The following SMARCC1 variants were observed in gnomAD, a reference collection of about 807,000 sequenced individuals.
SMARCC1 encodes the protein SWI/SNF complex subunit SMARCC1.
SMARCC1 carries 43 observed loss-of-function variants against 147.4 expected under a neutral mutation model. The ratio of observed to expected loss-of-function variants is 0.29; its 90% confidence interval spans 0.23 to 0.38. The LOEUF (loss-of-function observed/expected upper bound fraction) is 0.38. Among genes scored for constraint, SMARCC1 ranks in the 10% least tolerant of loss-of-function variants. The pLI is 1.00. For synonymous variants in SMARCC1, 495 were observed against 484.4 expected (o/e 1.02, Z -0.29); for missense variants, 1,119 against 1,381.1 (o/e 0.81, Z 3.01).
At chr3:47,630,157 G>A (rs1231464993) in intron 24 of SMARCC1, among the ~76,000 whole-genome samples, 87 of 143,826 alleles carry the variant, frequency 6.0e-4, no homozygotes, top group Admixed American at 5.9e-3. Flanking sequence ...TTTTTTCCAC[G>A]GGGCCTGGGG....
chr3:47,646,855 C>T (rs1300853580), intron 21 of SMARCC1, among the ~76,000 whole-genome samples: 2 of 152,142 alleles, frequency 1.3e-5, no homozygotes, highest in South Asian at 2.1e-4. Flanking sequence ...ACCTGCTCCC[C>T]ACAGACCTCT....
At chr3:47,671,063 T>C (rs1370463906) in intron 18 of SMARCC1, among the ~76,000 whole-genome samples, 1 of 150,478 alleles carries the variant, frequency 6.6e-6, no homozygotes, top group Non-Finnish European at 1.5e-5. Context: ...TTCATGCCTA[T>C]AGTCCCAGCT....
chr3:47,778,821 T>C (rs1167589233), intron 1 of SMARCC1, among the ~76,000 whole-genome samples: 2 of 150,902 alleles, frequency 1.3e-5, no homozygotes, highest in Non-Finnish European at 3.0e-5. Context: ...ACCCTGCCTC[T>C]ACTGATAATA....
chr3:47,730,827 T>C (rs144656637), intron 5 of SMARCC1, among the ~76,000 whole-genome samples: 190 of 151,302 alleles, frequency 1.3e-3, no homozygotes, highest in African/African-American at 4.3e-3. Context: ...GATTGCGCCA[T>C]TGCACTCCAG....
intron 2 of SMARCC1, among the ~76,000 whole-genome samples, chr3:47,767,194 A>AG (rs1363217608): frequency 6.7e-6 from 1 of 148,524 alleles, no homozygotes; most frequent in Non-Finnish European, 1.5e-5. Flanking sequence ...AAAAAGAAAA[A>AG]AAAAAAAAAA....
intron 2 of SMARCC1, among the ~76,000 whole-genome samples, chr3:47,765,582 A>G (rs1026929717): frequency 6.6e-6 from 1 of 152,176 alleles, no homozygotes; most frequent in African/African-American, 2.4e-5. Flanking sequence ...TACAAACTCA[A>G]ATGCTCACTT....
chr3:47,769,496 G>A (rs937419227), intron 2 of SMARCC1, among the ~76,000 whole-genome samples: 1 of 151,842 alleles, frequency 6.6e-6, no homozygotes, highest in African/African-American at 2.4e-5. Flanking sequence ...CAAAGTGCTG[G>A]GATTACAGGC....
chr3:47,668,345 TAC>T (rs1341015841), intron 19 of SMARCC1, among the ~76,000 whole-genome samples: 2 of 152,218 alleles, frequency 1.3e-5, no homozygotes, highest in African/African-American at 2.4e-5. Context: ...ATCTTGATCT[TAC>T]AGAGTAATTT....
chr3:47,773,120 G>A (rs2034934719), intron 1 of SMARCC1, among the ~76,000 whole-genome samples, 184 bp from the exon 2 acceptor site: 1 of 151,978 alleles, frequency 6.6e-6, no homozygotes, highest in African/African-American at 2.4e-5. Context: ...TGGTTAAGAC[G>A]GTTAATTTTT....
intron 7 of SMARCC1, among the ~76,000 whole-genome samples, chr3:47,716,415 C>CAAAA (rs776727634): frequency 9.6e-5 from 5 of 51,924 alleles, no homozygotes; most frequent in East Asian, 6.2e-4. Flanking sequence ...GACTCCATCT[C>CAAAA]AAAAAAAAAA....
At position 47,642,309 on chromosome 3, in the gene SMARCC1, G is replaced by A. The variant is rs115932457; in HGVS notation, c.2321-3529C>T. ...AATATAAGAAAAGATACTAGGTTTT[G>A]CCCGGTGCAGTGGCTCGGACCTGTA... On this transcript the variant is annotated intron_variant, in intron 21 of 27. Coordinates refer to ENST00000254480, the MANE Select transcript of SMARCC1 (RefSeq NM_003074.4). 9.8e-4 allele frequency among the ~76,000 whole-genome samples: 149 copies of A among 152,280 alleles called. 1 individual carries two copies. The highest frequency in any genetic ancestry group is 3.4e-3 in the African/African-American group (143 of 41,566).
chr3:47,700,920 G>T (rs545825742), intron 11 of SMARCC1, among the ~76,000 whole-genome samples: 1 of 152,270 alleles, frequency 6.6e-6, no homozygotes, highest in South Asian at 2.1e-4. Context: ...CATTACCAGA[G>T]AACTTCAAAT....
rs140358822 is a variant in SMARCC1 at position 47,614,046 on chromosome 3, A to G, written c.2782-3719T>C. ...TCTATCTGCAATGCCAAGGACTGAA[A>G]TATCAGCTGAGACTTGAAGCCTCAG... On this transcript the variant is annotated intron_variant, in intron 25 of 27. Transcript: ENST00000254480. 4.4e-3 allele frequency among the ~76,000 whole-genome samples: 663 copies of G among 152,344 alleles called. 6 individuals are homozygous for G. The highest frequency in any genetic ancestry group is 0.015 in the African/African-American group (610 of 41,582).
At chr3:47,672,428 G>C (rs545269033) in intron 18 of SMARCC1, among the ~76,000 whole-genome samples, 4 of 152,016 alleles carry the variant, frequency 2.6e-5, no homozygotes, top group Admixed American at 2.0e-4. Context: ...GGATGGTCTC[G>C]ATCTCCTGAC....
chr3:47,657,438 T>C (rs909411011), intron 21 of SMARCC1, among the ~76,000 whole-genome samples: 2 of 152,210 alleles, frequency 1.3e-5, no homozygotes, highest in African/African-American at 4.8e-5. Context: ...CACAAATTTA[T>C]GAAAATTCAC....
At position 47,686,141 on chromosome 3, in the gene SMARCC1, C is replaced by CTGG; in HGVS notation, c.1292_1293insCCA (p.Asp430_Gln431insHis). 1 of 1,612,022 alleles carries CTGG rather than the reference C, an allele frequency of 6.2e-7. No individual in the cohort carries two copies. The highest frequency in any genetic ancestry group is 1.1e-5 in the South Asian group (1 of 91,024). On this transcript the variant is annotated inframe_insertion, in exon 14 of 28. Transcript: ENST00000254480. Reference sequence around the variant, plus strand: ...CTTCCCCAAGGTCAACTGATCGACTCTGATCACCTTTGGCAGGATCTTCAT... The same window carrying CTGG: ...CTTCCCCAAGGTCAACTGATCGACTCTGGTGATCACCTTTGGCAGGATCTTCAT...
chr3:47,673,643 C>T (rs546136880), intron 18 of SMARCC1, among the ~76,000 whole-genome samples: 17 of 152,128 alleles, frequency 1.1e-4, no homozygotes, highest in Middle Eastern at 3.4e-3. Flanking sequence ...GAGCCAACAT[C>T]GCGCCACTTC....
chr3:47,781,780 G>A lies in SMARCC1; in HGVS notation c.18C>T (p.Gly6=). 1 of 1,448,854 alleles carries A rather than the reference G, an allele frequency of 6.9e-7. No individual in the cohort carries two copies. Among genetic ancestry groups the A allele is most frequent in the Non-Finnish European group, 9.1e-7 (1 of 1,103,954 alleles). 89.7% of individuals were successfully genotyped at this position (1,448,854 alleles called of 1,614,324 possible). The change falls in exon 1 of 28, where the codon GGC becomes GGT. Residue 6 remains glycine (G), a synonymous_variant. Coordinates refer to ENST00000254480, the MANE Select transcript of SMARCC1 (RefSeq NM_003074.4). ...CTACCGCTGTCCCCGGCCCGCCGCC[G>A]CCCGCCGCTGCGGCCATCGTCGCAG... The part of the protein sequence containing the change: MAAAA[G]GGGPGTAVGA...
chr3:47,735,973 C>T, intron 5 of SMARCC1, 61 bp downstream of exon 5: 1 of 727,300 alleles, frequency 1.4e-6, no homozygotes, highest in Non-Finnish European at 2.2e-6. Context: ...TTATTAGAGG[C>T]TTACAACTAC....
Sources: gnomAD v4.1 joint callset for allele counts (sites outside exome capture counted in the v4.1 genomes callset) on GRCh38, gnomAD v4.1.1 for gene constraint, MANE v1.5 for transcripts, NCBI Gene and HGNC (gene_info 2026-07-23, HGNC 2026-07-21) for gene names.